The following SELENBP1 variants were observed in gnomAD, a reference collection of about 807,000 sequenced individuals.
SELENBP1 encodes selenium binding protein 1, also known as methanethiol oxidase.
A neutral mutation model predicts 61.0 loss-of-function variants in SELENBP1; 71 were observed. The observed-to-expected ratio is 1.16, with a 90% confidence interval of 0.96 to 1.42. SELENBP1 has a LOEUF of 1.42. Ranked by LOEUF, SELENBP1 falls within the 40% of genes most tolerant of loss-of-function variation. SELENBP1 has a pLI of 0.00. For missense variants in SELENBP1, 561 were observed against 605.0 expected, an observed-to-expected ratio of 0.93 and a Z score of 0.76; for synonymous variants, 270 against 238.9, an observed-to-expected ratio of 1.13 and a Z score of -1.20.
intron 5 of SELENBP1, 168 bp from the exon 6 acceptor site, chr1:151,367,072 G>T: frequency 7.0e-7 from 1 of 1,422,078 alleles, no homozygotes; most frequent in Non-Finnish European, 9.2e-7. Context: ...TGGGGGAAGA[G>T]TGGCTCATGC....
chr1:151,368,541 C>A (rs551919029), intron 4 of SELENBP1, among the ~76,000 whole-genome samples: 37 of 152,334 alleles, frequency 2.4e-4, no homozygotes, highest in Admixed American at 9.8e-4. Flanking sequence ...AGGCAGAAAG[C>A]GCTGACCTTT....
intron 1 of SELENBP1, 29 bp downstream of exon 1, chr1:151,372,608 CA>C (rs1429149402): frequency 6.2e-7 from 1 of 1,614,104 alleles, no homozygotes; most frequent in Non-Finnish European, 8.5e-7. Context: ...ACAGAGCAGG[CA>C]ATGGGTGATT....
chr1:151,369,764 T>G lies in SELENBP1; in HGVS notation c.10A>C (p.Lys4Gln). The G allele has an allele frequency of 1.3e-6, 2 of 1,552,312 alleles. No individual in the cohort carries two copies. The highest frequency in any genetic ancestry group is 1.7e-6 in the Non-Finnish European group (2 of 1,147,334). Reference sequence around the variant, plus strand: ...TAGCCGGGTCCACAATTCCCACATTTCGTAGCTGTGGAAGCAATGGGGCGC... The same window carrying G: ...TAGCCGGGTCCACAATTCCCACATTGCGTAGCTGTGGAAGCAATGGGGCGC... Reference protein sequence around the residue: MATKCGNCGPGYST... With the variant: MATQCGNCGPGYST... The change falls in exon 2 of 12, where the codon AAA (lysine) becomes CAA (glutamine). Residue 4 changes from lysine (K) to glutamine (Q), a missense_variant. By Grantham distance (53) the Lys-to-Gln change is moderately conservative (BLOSUM62 1). Coordinates refer to ENST00000368868, the MANE Select transcript of SELENBP1 (RefSeq NM_003944.4).
At position 151,369,712 on chromosome 1, in the gene SELENBP1, C is replaced by G; in HGVS notation, c.61+1G>C. The G allele has an allele frequency of 6.4e-7, 1 of 1,551,944 alleles. No individual in the cohort carries two copies. Among genetic ancestry groups the G allele is most frequent in the South Asian group, 1.2e-5 (1 of 84,018 alleles). On this transcript the variant is annotated splice_donor_variant, in intron 2 of 11. Transcript: ENST00000368868. LOFTEE classifies it high-confidence loss of function. ...CTGGCTCTCAGACCATGGGCAATTA[C>G]CTTTCATGGCCTCCAGAGGGGTGGA...
intron 1 of SELENBP1, among the ~76,000 whole-genome samples, chr1:151,370,475 T>C (rs1015357512): frequency 6.6e-6 from 1 of 152,188 alleles, no homozygotes; most frequent in African/African-American, 2.4e-5. Context: ...TTTCTACCCC[T>C]GGGTGTGCCC....
In SELENBP1 at chr1:151,365,796, C is replaced by A. The variant is rs1214430107; in HGVS notation, c.894G>T (p.Val298=). The change falls in exon 8 of 12, where the codon GTG becomes GTT. Residue 298 remains valine, a synonymous_variant. Transcript: ENST00000368868. ...EKVIQVPPKK[V]KGWLLPEMPG... ...GCATTTCGGGCAGCAGCCAGCCCTT[C>A]ACTTTCTTGGGGGGCACCTGGATCA... 6.2e-7 allele frequency: 1 copy of A among 1,614,190 alleles called. No individual in the cohort carries two copies. Among genetic ancestry groups the A allele is most frequent in the African/African-American group, 1.3e-5 (1 of 75,050 alleles).
intron 1 of SELENBP1, among the ~76,000 whole-genome samples, chr1:151,371,851 C>T (rs1355475495): frequency 2.0e-5 from 3 of 152,154 alleles, no homozygotes; most frequent in Non-Finnish European, 4.4e-5. Context: ...AGCATCATTC[C>T]TCTTTCTGGG....
intron 10 of SELENBP1, 50 bp downstream of exon 10, chr1:151,365,139 C>T (rs1015373335): frequency 1.3e-6 from 2 of 1,594,202 alleles, no homozygotes; most frequent in African/African-American, 2.7e-5. Context: ...CCCACATATT[C>T]CTCAAGCATG....
intron 5 of SELENBP1, among the ~76,000 whole-genome samples, chr1:151,367,772 T>C (rs751757543): frequency 8.5e-5 from 13 of 152,294 alleles, no homozygotes; most frequent in Non-Finnish European, 1.5e-4. Flanking sequence ...TATAGGCCTG[T>C]ACCACCACAC....
chr1:151,366,142 GAGAA>G (rs1321969612), intron 7 of SELENBP1, 129 bp downstream of exon 7: 2 of 1,112,388 alleles, frequency 1.8e-6, no homozygotes, highest in African/African-American at 3.1e-5. Flanking sequence ...CTAGCACTGA[GAGAA>G]GAGAGACAGG....
At chr1:151,367,934 T>C (rs906048064) in intron 5 of SELENBP1, among the ~76,000 whole-genome samples, 1 of 152,234 alleles carries the variant, frequency 6.6e-6, no homozygotes, top group Non-Finnish European at 1.5e-5. Context: ...CTTGAAGTGC[T>C]GGGATTAGAG....
intron 1 of SELENBP1, 103 bp from the exon 2 acceptor site, chr1:151,369,872 C>G: frequency 7.1e-6 from 11 of 1,551,046 alleles, no homozygotes; most frequent in Non-Finnish European, 9.6e-6. Context: ...GGCAGTGCGG[C>G]TGGCCTAGGT....
At position 151,364,485 on chromosome 1, in the gene SELENBP1, C is replaced by A; in HGVS notation, c.*58G>T. 6.2e-7 allele frequency: 1 copy of A among 1,607,118 alleles called. No homozygotes were observed. On this transcript the variant is annotated 3_prime_UTR_variant, in exon 12 of 12. Transcript: ENST00000368868. ...GGTGCCAAGAGAGAGCAGAATGAAG[C>A]CAGGTCCCCAAGGAAGTGAGGGCCC... is the stretch of plus-strand genomic sequence containing the variant.
rs1169030796 is a variant in SELENBP1 at position 151,368,328 on chromosome 1, G to T, written c.361-9C>A. ...TCCTTGGGCTCAATGACCTGGAAGGGGTGGGGAATGGTGTCAGAATCATAC... is the reference window on the plus strand; with the variant it reads ...TCCTTGGGCTCAATGACCTGGAAGGTGTGGGGAATGGTGTCAGAATCATAC... On this transcript the variant is annotated splice_polypyrimidine_tract_variant and intron_variant, in intron 4 of 11. Transcript: ENST00000368868. The T allele has an allele frequency of 6.2e-7, 1 of 1,613,788 alleles. No individual in the cohort carries two copies. The highest frequency in any genetic ancestry group is 8.5e-7 in the Non-Finnish European group (1 of 1,179,706).
intron 5 of SELENBP1, among the ~76,000 whole-genome samples, chr1:151,367,813 T>C (rs544773948): frequency 6.6e-6 from 1 of 152,112 alleles, no homozygotes; most frequent in South Asian, 2.1e-4. Context: ...TAGTGCAGAG[T>C]TGCCAGTGCC....
At chr1:151,365,475 C>G in intron 9 of SELENBP1, 88 bp downstream of exon 9, 1 of 1,592,802 alleles carries the variant, frequency 6.3e-7, no homozygotes, top group Non-Finnish European at 8.5e-7. Context: ...CCCTCAACAT[C>G]CTGCAGCTGC....
intron 6 of SELENBP1, 128 bp downstream of exon 6, chr1:151,366,594 G>A (rs1366712034): frequency 9.4e-6 from 13 of 1,387,196 alleles, no homozygotes; most frequent in Non-Finnish European, 1.3e-5. Context: ...CTGAGCATGC[G>A]GTACATCCTA....
chr1:151,369,747 T>C lies in SELENBP1; in HGVS notation c.27A>G (p.Gly9=). The C allele has an allele frequency of 6.4e-7, 1 of 1,552,568 alleles. No homozygotes were observed. Among genetic ancestry groups the C allele is most frequent in the Non-Finnish European group, 8.7e-7 (1 of 1,147,490 alleles). ...CCTCCAGAGGGGTGGAGTAGCCGGG[T>C]CCACAATTCCCACATTTCGTAGCTG... MATKCGNC[G]PGYSTPLEAM... The change falls in exon 2 of 12, where the codon GGA becomes GGG. Residue 9 remains glycine, a synonymous_variant. Transcript: ENST00000368868.
At chr1:151,368,953 G>T in intron 4 of SELENBP1, 51 bp downstream of exon 4, 1 of 1,544,152 alleles carries the variant, frequency 6.5e-7, no homozygotes, top group Non-Finnish European at 8.8e-7. Flanking sequence ...AGACTACCTG[G>T]GGTGGCAGGT....
Sources: gnomAD v4.1 joint callset for allele counts (sites outside exome capture counted in the v4.1 genomes callset) on GRCh38, gnomAD v4.1.1 for gene constraint, MANE v1.5 for transcripts, NCBI Gene and HGNC (gene_info 2026-07-23, HGNC 2026-07-21) for gene names.